ZNF3: variants seen among roughly 807,000 people sequenced by gnomAD.
ZNF3 encodes the protein C2-H2 type zinc finger protein.
Under a neutral mutation model 36.9 loss-of-function variants are expected in ZNF3, and 16 were observed. The ratio of observed to expected loss-of-function variants is 0.43; its 90% CI spans 0.29 to 0.66. The LOEUF is 0.66. Ranked by LOEUF, ZNF3 falls within the 30% of genes least tolerant of loss-of-function variation. ZNF3 has a pLI of 0.13. For synonymous variants in ZNF3, 201 were observed against 201.9 expected, an observed-to-expected ratio of 1.00 and a Z score of 0.04; for missense variants, 462 against 543.1, an observed-to-expected ratio of 0.85 and a Z score of 1.48.
intron 5 of ZNF3, among the ~76,000 whole-genome samples, chr7:100,074,346 C>G (rs1584432715): frequency 6.6e-6 from 1 of 152,292 alleles, no homozygotes; most frequent in East Asian, 1.9e-4. Context: ...TCTCGGCTCA[C>G]TGCAACCTCG....
At chr7:100,080,826 A>G (rs1475841796) in intron 1 of ZNF3, among the ~76,000 whole-genome samples, 2 of 152,218 alleles carry the variant, frequency 1.3e-5, no homozygotes, top group Non-Finnish European at 2.9e-5. Context: ...TTTTAAAAAA[A>G]GAGCTTCAAT....
chr7:100,070,794 C>T lies in ZNF3; in HGVS notation c.*349G>A, dbSNP rs371725868. On this transcript the variant is annotated 3_prime_UTR_variant, in exon 6 of 6. Transcript: ENST00000299667. ...TCCACTGCTGTCTGTGCTGACTACGCGGACTCCAACTAAAGGAATCCATCG... is the reference window on the plus strand; with the variant it reads ...TCCACTGCTGTCTGTGCTGACTACGTGGACTCCAACTAAAGGAATCCATCG... 121 of 1,064,950 alleles carry T rather than the reference C, an allele frequency of 1.1e-4. 2 individuals are homozygous for T. The highest frequency in any genetic ancestry group is 9.9e-4 in the East Asian group (14 of 14,126). 66.0% of individuals were successfully genotyped at this position (1,064,950 alleles called of 1,614,324 possible). A position where few individuals can be genotyped will look rare whatever the true frequency, so the allele number is the denominator to read the frequency against.
chr7:100,078,222 C>T (rs1794424090), intron 2 of ZNF3, among the ~76,000 whole-genome samples: 1 of 152,042 alleles, frequency 6.6e-6, no homozygotes, highest in Non-Finnish European at 1.5e-5. Flanking sequence ...CCAGGCTGGG[C>T]ACGGTGGCTC....
At chr7:100,079,930 T>C (rs1281812726) in intron 1 of ZNF3, among the ~76,000 whole-genome samples, 1 of 152,110 alleles carries the variant, frequency 6.6e-6, no homozygotes, top group Non-Finnish European at 1.5e-5. Context: ...CTCAATCTCC[T>C]GGCCTCAAGT....
chr7:100,073,333 A>G (rs1793518062), intron 5 of ZNF3, among the ~76,000 whole-genome samples: 1 of 152,070 alleles, frequency 6.6e-6, no homozygotes, highest in Non-Finnish European at 1.5e-5. Context: ...TGAGAAACTA[A>G]TTTATTAATC....
At chr7:100,069,732 G>A (rs1394994506), downstream of ZNF3, among the ~76,000 whole-genome samples, 1 of 151,952 alleles carries the variant, frequency 6.6e-6, no homozygotes, top group Non-Finnish European at 1.5e-5. Flanking sequence ...TCCTGGCTCA[G>A]CCTCCTGAGT....
At chr7:100,077,222 C>T in intron 3 of ZNF3, 81 bp downstream of exon 3, 1 of 1,563,314 alleles carries the variant, frequency 6.4e-7, no homozygotes, top group Non-Finnish European at 8.8e-7. Flanking sequence ...AGTAGTTAGC[C>T]TAGTACCTGG....
In ZNF3 at chr7:100,075,239, A is replaced by G. The variant is rs534808825; in HGVS notation, c.167T>C (p.Val56Ala). ...CTCCTTCCGGATGAAGTACACAGCT[A>G]CATCCTCAAAGGTTACCAGCTCCTG... ...KSQELVTFEDVAVYFIRKEWK... is the reference protein window; with the variant it reads ...KSQELVTFEDAAVYFIRKEWK... Residue 56 changes from valine to alanine, a missense_variant, in exon 5 of 6, where the codon GTA becomes GCA. By Grantham distance (64) the Val-to-Ala change is moderately conservative. Coordinates refer to ENST00000299667, the MANE Select transcript of ZNF3 (RefSeq NM_032924.5). 1 of 1,614,170 alleles carries G rather than the reference A, an allele frequency of 6.2e-7. No individual in the cohort carries two copies. The highest frequency in any genetic ancestry group is 1.3e-5 in the African/African-American group (1 of 75,046).
chr7:100,071,272 G>A lies in ZNF3; in HGVS notation c.1212C>T (p.Ala404=). Residue 404 remains alanine (A), a synonymous_variant, in exon 6 of 6, where the codon GCC becomes GCT. Coordinates refer to ENST00000299667, the MANE Select transcript of ZNF3 (RefSeq NM_032924.5). The stretch of plus-strand genomic sequence containing the variant: ...GAACAAGAGCCGAGCTGTACCTGAA[G>A]GCTTTCCCACACTCACTACATTCAT... ...NPYECSECGK[A]FRYSSALVRH... is the part of the protein sequence containing the mutation. 6.2e-7 allele frequency: 1 copy of A among 1,614,230 alleles called. No individual in the cohort carries two copies. The highest frequency in any genetic ancestry group is 8.5e-7 in the Non-Finnish European group (1 of 1,180,048).
At position 100,081,673 on chromosome 7, in the gene ZNF3, GGACCAGGCCCTGTTGGACCCTGTCACA is replaced by G. The variant is rs1185992401; in HGVS notation, c.-263_-237del. 1 of 152,442 alleles carries G rather than the reference GGACCAGGCCCTGTTGGACCCTGTCACA, an allele frequency of 6.6e-6. No individual in the cohort carries two copies. The highest frequency in any genetic ancestry group is 1.5e-5 in the Non-Finnish European group (1 of 68,220). The allele number at this position is 152,442 out of a possible 1,614,324, so 9.4% of individuals were successfully genotyped here. A position where few individuals can be genotyped will look rare whatever the true frequency, so the allele number is the denominator to read the frequency against. ...ACGACAGATTTGGGGGACCGGACAC[GGACCAGGCCCTGTTGGACCCTGTCACA>G]GACCCACACACCGGGGACAGAACAA... On this transcript the variant is annotated 5_prime_UTR_variant, in exon 1 of 6. Transcript: ENST00000299667. This position sits in a 1 kb window ranked among gnomAD's most constrained non-coding sequence, Gnocchi z 4.3.
chr7:100,073,106 A>G (rs1793479560), intron 5 of ZNF3, among the ~76,000 whole-genome samples: 1 of 152,118 alleles, frequency 6.6e-6, no homozygotes, highest in African/African-American at 2.4e-5. Flanking sequence ...GGATTCAGAA[A>G]TGGGAATTCT....
At chr7:100,067,409 A>G (rs1792703830), downstream of ZNF3, among the ~76,000 whole-genome samples, 2 of 152,122 alleles carry the variant, frequency 1.3e-5, no homozygotes, top group African/African-American at 4.8e-5. Context: ...CATTTACTGT[A>G]GGCCATCATT....
chr7:100,067,982 C>T (rs909977670), downstream of ZNF3, among the ~76,000 whole-genome samples: 1 of 152,180 alleles, frequency 6.6e-6, no homozygotes, highest in Non-Finnish European at 1.5e-5. Flanking sequence ...AAAGTGGGAT[C>T]TGGTTTGAAA....
downstream of ZNF3, chr7:100,065,147 G>A (rs919149559): frequency 2.1e-5 from 12 of 578,618 alleles, 1 homozygote; most frequent in South Asian, 1.5e-4. Flanking sequence ...GGATTTGGGG[G>A]TCAGGCACGG....
Position 100,072,178 on chromosome 7 carries a change from A to C in ZNF3, c.306T>G (p.Ile102Met), listed in dbSNP as rs1455345609. Residue 102 changes from isoleucine to methionine, a missense_variant, in exon 6 of 6, where the codon ATT becomes ATG. Coordinates refer to ENST00000299667, the MANE Select transcript of ZNF3 (RefSeq NM_032924.5). ...RETRTENDQE[I>M]SEDTRSHGVL... Reference sequence around the variant, plus strand: ...CCCCATGTGATCTTGTGTCTTCAGAAATTTCTTGATCATTTTCAGTCCTGG... The same window carrying C: ...CCCCATGTGATCTTGTGTCTTCAGACATTTCTTGATCATTTTCAGTCCTGG... 1 of 1,597,074 alleles carries C rather than the reference A, an allele frequency of 6.3e-7. No individual in the cohort carries two copies. The highest frequency in any genetic ancestry group is 1.1e-5 in the South Asian group (1 of 87,416).
At position 100,070,426 on chromosome 7, in the gene ZNF3, C is replaced by T. The variant is rs1000490278; in HGVS notation, c.*717G>A. The stretch of plus-strand genomic sequence containing the variant: ...AACGCTAAGTGCTTCTGACCCTCTC[C>T]CTCACAGCCGGTTACTAGCTGTTTG... On this transcript the variant is annotated 3_prime_UTR_variant, in exon 6 of 6. Transcript: ENST00000299667. 2 of 985,362 alleles carry T rather than the reference C, an allele frequency of 2.0e-6. No homozygotes were observed. The highest frequency in any genetic ancestry group is 5.2e-4 in the Middle Eastern group (1 of 1,938). The allele number at this position is 985,362 out of a possible 1,614,324, so 61.0% of individuals were successfully genotyped here. A position where few individuals can be genotyped will look rare whatever the true frequency, so the allele number is the denominator to read the frequency against.
At chr7:100,080,681 C>T (rs952624005) in intron 1 of ZNF3, among the ~76,000 whole-genome samples, 4 of 152,100 alleles carry the variant, frequency 2.6e-5, no homozygotes, top group Non-Finnish European at 5.9e-5. Context: ...GAGGTGGTGG[C>T]GGGCGCCTGT....
downstream of ZNF3, among the ~76,000 whole-genome samples, chr7:100,067,917 C>G (rs954222164): frequency 1.3e-5 from 2 of 152,112 alleles, no homozygotes; most frequent in African/African-American, 2.4e-5. Flanking sequence ...AGAAAACTTA[C>G]AAAATTTTGA....
chr7:100,064,892 T>G lies in ZNF3; in HGVS notation c.292A>C (p.Thr98Pro), dbSNP rs202229615. ...CATGCCAGCATTACCTTTTGCGTAG[T>G]TAAACAGACGTGTATCCAGTCTAGT... Residue 98 changes from threonine (T) to proline (P), a missense_variant, in exon 6 of 6, where the codon ACT becomes CCT. Physicochemically the swap from Thr to Pro is conservative, Grantham distance 38. Transcript: ENST00000413658. 1 of 845,708 alleles carries G rather than the reference T, an allele frequency of 1.2e-6. No homozygotes were observed. The highest frequency in any genetic ancestry group is 2.0e-5 in the African/African-American group (1 of 50,418). 52.4% of individuals were successfully genotyped at this position (845,708 alleles called of 1,614,324 possible). A position where few individuals can be genotyped will look rare whatever the true frequency, so the allele number is the denominator to read the frequency against.
Sources: allele counts gnomAD v4.1 joint callset (sites outside exome capture counted in the v4.1 genomes callset), GRCh38; gene constraint gnomAD v4.1.1; non-coding constraint Gnocchi (gnomAD v3.1); transcripts MANE v1.5; gene names NCBI Gene and HGNC (gene_info 2026-07-23, HGNC 2026-07-21).